UTRN: variants seen among roughly 807,000 people sequenced by gnomAD.
The protein encoded by UTRN is utrophin, also known as dystrophin-related protein 1.
UTRN carries 283 observed loss-of-function variants against 463.9 expected under a neutral mutation model. The ratio of observed to expected loss-of-function variants is 0.61; its 90% CI spans 0.55 to 0.67. UTRN has a LOEUF of 0.67. UTRN is among the 30% of genes least tolerant of loss of function. The pLI, the probability that UTRN is intolerant of heterozygous loss-of-function variation, is 0.00. For synonymous variants in UTRN, 1,442 were observed against 1,431.5 expected (o/e 1.01, Z -0.17); for missense variants, 3,922 against 4,084.3 (o/e 0.96, Z 1.08).
chr6:144,656,843 C>T (rs1439733912), intron 51 of UTRN, among the ~76,000 whole-genome samples: 1 of 151,862 alleles, frequency 6.6e-6, no homozygotes, highest in African/African-American at 2.4e-5. Context: ...GTATAGTTAC[C>T]CTGTGATTAA....
chr6:144,695,986 G>T, intron 52 of UTRN, among the ~76,000 whole-genome samples: 1 of 152,076 alleles, frequency 6.6e-6, no homozygotes, highest in African/African-American at 2.4e-5. Flanking sequence ...CAGTAAAATT[G>T]TCAAATCTAA....
At chr6:144,352,843 G>A (rs1778226272) in intron 2 of UTRN, among the ~76,000 whole-genome samples, 1 of 152,184 alleles carries the variant, frequency 6.6e-6, no homozygotes, top group African/African-American at 2.4e-5. Context: ...GTTTTATAAT[G>A]AATCATTTTT....
At chr6:144,493,242 C>T in intron 32 of UTRN, 59 bp from the exon 33 acceptor site, 5 of 1,550,942 alleles carry the variant, frequency 3.2e-6, no homozygotes, top group African/African-American at 1.4e-5. Flanking sequence ...TGACATGATG[C>T]CAGTTGGCAA....
chr6:144,498,939 C>G (rs936258440), intron 33 of UTRN, among the ~76,000 whole-genome samples: 2 of 152,262 alleles, frequency 1.3e-5, no homozygotes, highest in African/African-American at 4.8e-5. Context: ...TCCCAAAGTG[C>G]TGGGATTATA....
At chr6:144,649,658 A>G (rs1778610099) in intron 51 of UTRN, among the ~76,000 whole-genome samples, 1 of 152,206 alleles carries the variant, frequency 6.6e-6, no homozygotes, top group Non-Finnish European at 1.5e-5. Flanking sequence ...CGGGAACTTA[A>G]AGGGAACTTC....
intron 2 of UTRN, among the ~76,000 whole-genome samples, chr6:144,386,777 A>G (rs1781459208): frequency 6.6e-6 from 1 of 152,182 alleles, no homozygotes; most frequent in South Asian, 2.1e-4. Context: ...CAATTTTACA[A>G]ATTTAATTAT....
At chr6:144,676,043 A>T (rs1299389248) in intron 51 of UTRN, among the ~76,000 whole-genome samples, 1 of 152,112 alleles carries the variant, frequency 6.6e-6, no homozygotes. Flanking sequence ...TTATAAAGAT[A>T]AACTATTTTT....
intron 4 of UTRN, 110 bp downstream of exon 4, chr6:144,422,080 A>C: frequency 1.2e-6 from 1 of 820,938 alleles, no homozygotes; most frequent in Non-Finnish European, 1.8e-6. Context: ...TTACGTTCAA[A>C]TGTAAAGGCT....
chr6:144,621,792 T>G (rs1775407412), intron 51 of UTRN, among the ~76,000 whole-genome samples: 1 of 152,148 alleles, frequency 6.6e-6, no homozygotes, highest in South Asian at 2.1e-4. Flanking sequence ...CATTTGCTAG[T>G]AATGCTGAAG....
chr6:144,708,145 C>A, intron 53 of UTRN: 2 of 441,908 alleles, frequency 4.5e-6, no homozygotes, highest in South Asian at 4.7e-5. Context: ...TTATCAGTGT[C>A]TGATCATTTG....
chr6:144,537,535 A>T, intron 43 of UTRN, 47 bp from the exon 44 acceptor site: 1 of 1,416,310 alleles, frequency 7.1e-7, no homozygotes, highest in Non-Finnish European at 9.3e-7. Flanking sequence ...GGTTCTGCTT[A>T]ATTGGACAGT....
intron 25 of UTRN, among the ~76,000 whole-genome samples, chr6:144,476,523 G>A (rs1584940978): frequency 6.6e-6 from 1 of 152,268 alleles, no homozygotes; most frequent in East Asian, 1.9e-4. Context: ...GTGAATTGTG[G>A]TGTCATTTAC....
chr6:144,521,105 G>A (rs1230199840), intron 39 of UTRN, among the ~76,000 whole-genome samples: 2 of 152,120 alleles, frequency 1.3e-5, no homozygotes, highest in Admixed American at 6.6e-5. Flanking sequence ...GGCCAACATG[G>A]TGAAACCCCA....
At chr6:144,586,589 G>C (rs1390743685) in intron 51 of UTRN, among the ~76,000 whole-genome samples, 2 of 152,002 alleles carry the variant, frequency 1.3e-5, no homozygotes, top group African/African-American at 4.8e-5. Context: ...TTATTGTTAC[G>C]TGATTACTTT....
chr6:144,711,636 A>C (rs1436310287), intron 53 of UTRN, among the ~76,000 whole-genome samples: 1 of 152,240 alleles, frequency 6.6e-6, no homozygotes, highest in East Asian at 1.9e-4. Context: ...TTTCATAACA[A>C]TGTAAATATT....
intron 54 of UTRN, among the ~76,000 whole-genome samples, chr6:144,744,578 G>A (rs994910731): frequency 1.3e-4 from 20 of 148,174 alleles, no homozygotes; most frequent in African/African-American, 4.5e-4. Context: ...AGACCCGAAG[G>A]GAGGAGAATG....
intron 65 of UTRN, among the ~76,000 whole-genome samples, chr6:144,820,393 AC>A (rs574048254): frequency 1.5e-4 from 23 of 152,268 alleles, no homozygotes; most frequent in African/African-American, 5.5e-4. Flanking sequence ...TTATTGTCTT[AC>A]CTTTTTCCCC....
At chr6:144,713,860 C>A (rs1786049277) in intron 53 of UTRN, among the ~76,000 whole-genome samples, 1 of 145,466 alleles carries the variant, frequency 6.9e-6, no homozygotes, top group South Asian at 2.1e-4. Context: ...GAGGAGGTTG[C>A]GGTGAGCCGA....
intron 2 of UTRN, among the ~76,000 whole-genome samples, chr6:144,304,809 AT>A (rs1805565933): frequency 6.6e-6 from 1 of 152,092 alleles, no homozygotes. Context: ...AATTAAAAAA[AT>A]TTATATTTAT....
Sources: allele counts gnomAD v4.1 joint callset (sites outside exome capture counted in the v4.1 genomes callset), GRCh38; gene constraint gnomAD v4.1.1; transcripts MANE v1.5; gene names NCBI Gene and HGNC (gene_info 2026-07-23, HGNC 2026-07-21).